The following LRRK1 variants were observed in gnomAD, a reference collection of about 807,000 sequenced individuals.
LRRK1 encodes leucine-rich repeat serine/threonine-protein kinase 1.
Under a neutral mutation model 209.1 loss-of-function variants are expected in LRRK1, and 113 were observed. The ratio of observed to expected loss-of-function variants is 0.54; its 90% CI spans 0.46 to 0.63. LRRK1 has a LOEUF of 0.63. Ranked by LOEUF, LRRK1 falls within the 30% of genes least tolerant of loss-of-function variation. The pLI is 0.00. For missense variants in LRRK1, 2,284 were observed against 2,632.2 expected, an observed-to-expected ratio of 0.87 and a Z score of 2.89; for synonymous variants, 1,144 against 1,099.7, an observed-to-expected ratio of 1.04 and a Z score of -0.80.
chr15:101,049,987 G>C (rs1164538796), intron 23 of LRRK1, among the ~76,000 whole-genome samples: 1 of 152,060 alleles, frequency 6.6e-6, no homozygotes, highest in Non-Finnish European at 1.5e-5. Flanking sequence ...GGGAGGACTG[G>C]GCTCGGACAC....
intron 12 of LRRK1, 27 bp from the exon 13 acceptor site, chr15:101,021,025 TG>T: frequency 2.5e-6 from 4 of 1,612,890 alleles, no homozygotes; most frequent in Non-Finnish European, 1.7e-6. Context: ...TATTTTTAAA[TG>T]CAGTCTGCTT....
At chr15:101,038,744 C>G (rs1006218966) in intron 20 of LRRK1, among the ~76,000 whole-genome samples, 2 of 152,160 alleles carry the variant, frequency 1.3e-5, no homozygotes, top group Non-Finnish European at 1.5e-5. Flanking sequence ...ACTATTTTGC[C>G]TCTTCTCAGT....
intron 2 of LRRK1, among the ~76,000 whole-genome samples, chr15:100,935,382 T>C (rs900839424): frequency 1.5e-4 from 23 of 152,164 alleles, no homozygotes; most frequent in Admixed American, 7.2e-4. Context: ...AAGGCATCAG[T>C]GAGTGCAAAG....
intron 3 of LRRK1, among the ~76,000 whole-genome samples, chr15:100,976,793 C>G (rs1463307780): frequency 2.0e-5 from 3 of 152,200 alleles, no homozygotes; most frequent in Non-Finnish European, 4.4e-5. Flanking sequence ...GTTCCATCCA[C>G]AGGAGAAGGC....
chr15:100,962,959 G>A (rs1480818385), intron 2 of LRRK1, among the ~76,000 whole-genome samples: 1 of 147,838 alleles, frequency 6.8e-6, no homozygotes, highest in Non-Finnish European at 1.5e-5. Flanking sequence ...GAGTAACTGC[G>A]ATTACAGGCA....
chr15:101,066,113 GCATGACCTGACCCC>G lies in LRRK1; in HGVS notation c.5681_5694del (p.Asp1894GlyfsTer77), dbSNP rs1567291853. ...CCGGTGCTGCCTCCGACAGGTCTGA[GCATGACCTGACCCC>G]CATGGACGGGGAGACCTTCAGCCAG... On this transcript the variant is annotated frameshift_variant, in exon 32 of 34. Coordinates refer to ENST00000388948, the MANE Select transcript of LRRK1 (RefSeq NM_024652.6). LOFTEE classifies it high-confidence loss of function. 1 of 1,614,152 alleles carries G rather than the reference GCATGACCTGACCCC, an allele frequency of 6.2e-7. No individual in the cohort carries two copies. The highest frequency in any genetic ancestry group is 8.5e-7 in the Non-Finnish European group (1 of 1,180,036).
intron 2 of LRRK1, among the ~76,000 whole-genome samples, chr15:100,955,629 T>C (rs980354396): frequency 3.9e-5 from 6 of 152,254 alleles, no homozygotes; most frequent in African/African-American, 1.2e-4. Flanking sequence ...AGGCTTGTTT[T>C]ATATGGCCTT....
intron 33 of LRRK1, among the ~76,000 whole-genome samples, chr15:101,067,075 C>G (rs1410585617): frequency 1.3e-5 from 2 of 152,212 alleles, no homozygotes; most frequent in South Asian, 2.1e-4. Flanking sequence ...ACTGTTCTTC[C>G]TGCCAAGCAG....
rs535458169 is a variant in LRRK1 at position 100,957,908 on chromosome 15, CT to C, written c.98-15895del. On this transcript the variant is annotated intron_variant, in intron 2 of 33. Coordinates refer to ENST00000388948, the MANE Select transcript of LRRK1 (RefSeq NM_024652.6). ...TGAGACGGAGTCTCACTCTGTCACC[CT>C]GGCTGGAGTGCAGTGGCGTGATCTC... Among the ~76,000 whole-genome samples, 18 of 152,330 alleles carry C rather than the reference CT, an allele frequency of 1.2e-4. No homozygotes were observed. In the East Asian group the frequency reaches 2.9e-3, roughly 25 times the overall value.
intron 20 of LRRK1, 145 bp downstream of exon 20, chr15:101,029,377 G>A: frequency 2.4e-6 from 2 of 843,968 alleles, no homozygotes; most frequent in Non-Finnish European, 3.5e-6. Context: ...AGCACCCGAT[G>A]ACCTGCCTGC....
intron 3 of LRRK1, among the ~76,000 whole-genome samples, chr15:100,980,531 A>G (rs906883522): frequency 6.6e-6 from 1 of 152,196 alleles, no homozygotes; most frequent in African/African-American, 2.4e-5. Flanking sequence ...TCAAGTCTAC[A>G]TGTGTGACAA....
At position 101,021,975 on chromosome 15, in the gene LRRK1, C is replaced by T; in HGVS notation, c.1852+18C>T. 6.5e-7 allele frequency: 1 copy of T among 1,546,562 alleles called. No homozygotes were observed. Among genetic ancestry groups the T allele is most frequent in the Non-Finnish European group, 8.9e-7 (1 of 1,120,342 alleles). On this transcript the variant is annotated intron_variant, in intron 14 of 33. Transcript: ENST00000388948. Reference sequence around the variant, plus strand: ...AAAAGAAGGTAGGGCTTCCGCAGCCCTGTCCCCTGCCATCACCTCTTGGAA... The same window carrying T: ...AAAAGAAGGTAGGGCTTCCGCAGCCTTGTCCCCTGCCATCACCTCTTGGAA...
Position 100,963,705 on chromosome 15 carries a change from C to G in LRRK1, c.98-10099C>G, listed in dbSNP as rs954442147. On this transcript the variant is annotated intron_variant, in intron 2 of 33. Coordinates refer to ENST00000388948, the MANE Select transcript of LRRK1 (RefSeq NM_024652.6). ...CCTAGAAGAGAAAACCGTGGGAGAACAGGCCGACTTCCCGCTTTTGTTATG... is the reference window on the plus strand; with the variant it reads ...CCTAGAAGAGAAAACCGTGGGAGAAGAGGCCGACTTCCCGCTTTTGTTATG... 3.9e-5 allele frequency among the ~76,000 whole-genome samples: 6 copies of G among 152,322 alleles called. No individual in the cohort carries two copies. The East Asian group carries it at 9.6e-4, about 24-fold the overall frequency.
Position 101,069,099 on chromosome 15 carries a change from T to G in LRRK1, c.*251T>G, listed in dbSNP as rs1356895000. The G allele has an allele frequency of 5.2e-6, 2 of 385,520 alleles. No individual in the cohort carries two copies. The highest frequency in any genetic ancestry group is 9.3e-6 in the Non-Finnish European group (2 of 215,096). 23.9% of individuals were successfully genotyped at this position (385,520 alleles called of 1,614,324 possible). On this transcript the variant is annotated 3_prime_UTR_variant, in exon 34 of 34. Transcript: ENST00000388948. ...GATTTTACAGCCCCAGGGAAGACAGTGGTATCAGGCTGGGAGCGGCCTCCT... is the reference window on the plus strand; with the variant it reads ...GATTTTACAGCCCCAGGGAAGACAGGGGTATCAGGCTGGGAGCGGCCTCCT...
At chr15:101,046,990 A>G (rs896560363) in intron 21 of LRRK1, among the ~76,000 whole-genome samples, 1 of 152,188 alleles carries the variant, frequency 6.6e-6, no homozygotes, top group Non-Finnish European at 1.5e-5. Flanking sequence ...ACACGTTCTC[A>G]GGCCCCACCT....
intron 21 of LRRK1, 55 bp downstream of exon 21, chr15:101,046,207 T>C: frequency 1.3e-6 from 2 of 1,561,672 alleles, no homozygotes; most frequent in Non-Finnish European, 1.8e-6. Flanking sequence ...CCTACAGTTG[T>C]ACCACTGGGG....
At chr15:100,978,877 A>T (rs539275597) in intron 3 of LRRK1, among the ~76,000 whole-genome samples, 1,562 of 152,166 alleles carry the variant, frequency 0.01, 20 homozygotes, top group Middle Eastern at 0.031. Flanking sequence ...AAAAGGGAAC[A>T]TTTTTTAACA....
intron 2 of LRRK1, among the ~76,000 whole-genome samples, chr15:100,929,826 T>C (rs550205942): frequency 6.6e-6 from 1 of 152,322 alleles, no homozygotes; most frequent in South Asian, 2.1e-4. Context: ...CACAGCCACG[T>C]CTGGTCAGGA....
intron 3 of LRRK1, among the ~76,000 whole-genome samples, chr15:100,982,662 A>G (rs911744368): frequency 6.6e-6 from 1 of 152,134 alleles, no homozygotes; most frequent in Non-Finnish European, 1.5e-5. Context: ...CAGGATTCAG[A>G]TCTGTGAAGT....
Sources: allele counts gnomAD v4.1 joint callset (sites outside exome capture counted in the v4.1 genomes callset), GRCh38; gene constraint gnomAD v4.1.1; transcripts MANE v1.5; gene names NCBI Gene and HGNC (gene_info 2026-07-23, HGNC 2026-07-21).